Variants in CNTNAP4 observed in about 807,000 individuals in gnomAD.
The protein encoded by CNTNAP4 is contactin associated protein family member 4.
A neutral mutation model predicts 148.4 loss-of-function variants in CNTNAP4; 98 were observed. The observed-to-expected ratio is 0.66, with a 90% CI of 0.56 to 0.78. The LOEUF (loss-of-function observed/expected upper bound fraction) is 0.78. CNTNAP4 is among the 30% of genes least tolerant of loss of function. The pLI, the probability that CNTNAP4 is intolerant of heterozygous loss-of-function variation, is 0.00. For missense variants in CNTNAP4, 1,935 were observed against 1,565.6 expected (o/e 1.24, Z -3.98); for synonymous variants, 730 against 565.1 (o/e 1.29, Z -4.14).
At position 76,321,235 on chromosome 16, in the gene CNTNAP4, G is replaced by C. The variant is rs187010823; in HGVS notation, c.196+4712G>C. Among the ~76,000 whole-genome samples the C allele has an allele frequency of 4.8e-3, 731 of 152,254 alleles. 2 individuals carry two copies. Among genetic ancestry groups the C allele is most frequent in the African/African-American group, 0.016 (657 of 41,530 alleles). On this transcript the variant is annotated intron_variant, in intron 2 of 23. Transcript: ENST00000611870. ...ATCTGTAGAGGAATTAGCTTACTTG[G>C]TTAATTGACAGAGATAACTCCCATT...
intron 15 of CNTNAP4, among the ~76,000 whole-genome samples, chr16:76,504,171 A>T (rs1568433721): frequency 6.6e-6 from 1 of 152,138 alleles, no homozygotes; most frequent in African/African-American, 2.4e-5. Flanking sequence ...ACAAAGTTTG[A>T]GATACACTAC....
At chr16:76,540,529 C>T (rs1298886331) in intron 20 of CNTNAP4, among the ~76,000 whole-genome samples, 174 bp from the exon 21 acceptor site, 1 of 151,472 alleles carries the variant, frequency 6.6e-6, no homozygotes, top group Non-Finnish European at 1.5e-5. Context: ...TATAATAACA[C>T]TTAGAAAAAC....
chr16:76,544,862 G>A (rs185204900), intron 21 of CNTNAP4, among the ~76,000 whole-genome samples: 2 of 152,274 alleles, frequency 1.3e-5, no homozygotes, highest in Admixed American at 1.3e-4. Flanking sequence ...CTGCAGTGGA[G>A]ATTTAGGCCA....
intron 15 of CNTNAP4, among the ~76,000 whole-genome samples, chr16:76,514,198 G>C (rs776952915): frequency 7.9e-5 from 12 of 152,140 alleles, no homozygotes; most frequent in Non-Finnish European, 1.6e-4. Context: ...TTGTCACTCT[G>C]ACCTTCGTAG....
chr16:76,443,705 ATTGAT>A (rs575297379), intron 4 of CNTNAP4, among the ~76,000 whole-genome samples: 62 of 152,370 alleles, frequency 4.1e-4, no homozygotes, highest in Non-Finnish European at 8.4e-4. Context: ...TAAAATAAAT[ATTGAT>A]TTGTACTAAT....
intron 4 of CNTNAP4, among the ~76,000 whole-genome samples, chr16:76,435,194 T>A (rs1436067100): frequency 6.6e-6 from 1 of 152,168 alleles, no homozygotes; most frequent in Non-Finnish European, 1.5e-5. Context: ...GGAAGTTGAC[T>A]GAAGGGCTGT....
chr16:76,285,836 G>C (rs552245151), intron 1 of CNTNAP4, among the ~76,000 whole-genome samples: 117 of 152,004 alleles, frequency 7.7e-4, no homozygotes, highest in African/African-American at 2.1e-3. Context: ...CCTTAGGGTT[G>C]ATAGTTGCTT....
At chr16:76,296,414 G>A (rs1327574745) in intron 1 of CNTNAP4, among the ~76,000 whole-genome samples, 4 of 152,094 alleles carry the variant, frequency 2.6e-5, no homozygotes, top group African/African-American at 9.7e-5. Context: ...CAATGCTTTG[G>A]GAAAGATACA....
chr16:76,355,535 A>G, intron 3 of CNTNAP4, 24 bp downstream of exon 3: 1 of 1,553,568 alleles, frequency 6.4e-7, no homozygotes. Flanking sequence ...CAAAAGACAT[A>G]GTCTCTCGGG....
At chr16:76,532,382 A>G (rs573446283) in intron 17 of CNTNAP4, among the ~76,000 whole-genome samples, 57 of 152,190 alleles carry the variant, frequency 3.7e-4, no homozygotes, top group Non-Finnish European at 6.3e-4. Context: ...GAAATTCTCT[A>G]TGCCCCTAGT....
intron 15 of CNTNAP4, among the ~76,000 whole-genome samples, chr16:76,518,976 C>G (rs1290509292): frequency 6.6e-6 from 1 of 152,190 alleles, no homozygotes; most frequent in African/African-American, 2.4e-5. Context: ...TGCTGCCTGC[C>G]TGCTGAGCTC....
chr16:76,430,844 C>A (rs1414518767), intron 4 of CNTNAP4, among the ~76,000 whole-genome samples: 3 of 152,156 alleles, frequency 2.0e-5, no homozygotes, highest in African/African-American at 7.2e-5. Context: ...CGTGTTAGAT[C>A]TAGGATTTAA....
chr16:76,322,468 C>T (rs1441717501), intron 2 of CNTNAP4, among the ~76,000 whole-genome samples: 1 of 152,180 alleles, frequency 6.6e-6, no homozygotes, highest in African/African-American at 2.4e-5. Flanking sequence ...AGAGCGACTT[C>T]TTTGGTGTTA....
chr16:76,324,493 T>C (rs1471229305), intron 2 of CNTNAP4, among the ~76,000 whole-genome samples: 1 of 152,050 alleles, frequency 6.6e-6, no homozygotes, highest in East Asian at 1.9e-4. Context: ...AAACAGAGCA[T>C]GGGGGAAGCA....
chr16:76,433,372 A>G (rs1225688668), intron 4 of CNTNAP4, among the ~76,000 whole-genome samples: 1 of 152,194 alleles, frequency 6.6e-6, no homozygotes, highest in Non-Finnish European at 1.5e-5. Context: ...TTCAATGCAG[A>G]CAGTTGAAGA....
At chr16:76,375,598 C>A (rs1314561035) in intron 3 of CNTNAP4, among the ~76,000 whole-genome samples, 2 of 152,148 alleles carry the variant, frequency 1.3e-5, no homozygotes, top group Non-Finnish European at 2.9e-5. Flanking sequence ...CCTTGTGAAT[C>A]ATTCTCTTCT....
At chr16:76,314,374 C>G (rs1323917849) in intron 1 of CNTNAP4, among the ~76,000 whole-genome samples, 1 of 152,034 alleles carries the variant, frequency 6.6e-6, no homozygotes, top group African/African-American at 2.4e-5. Flanking sequence ...TTCAGTGACT[C>G]GATAGACAGA....
rs141775762 is a variant in CNTNAP4 at position 76,384,019 on chromosome 16, G to T, written c.390+28508G>T. 7.1e-3 allele frequency among the ~76,000 whole-genome samples: 1,072 copies of T among 151,852 alleles called. 14 individuals are homozygous for T. The highest frequency in any genetic ancestry group is 0.025 in the African/African-American group (1,018 of 41,452). Reference sequence around the variant, plus strand: ...GTTTTTTGTTTTGTTTTTTGTTTTTGTTTGTTTGTTTTGTTTTTTGTTATT... The same window carrying T: ...GTTTTTTGTTTTGTTTTTTGTTTTTTTTTGTTTGTTTTGTTTTTTGTTATT... On this transcript the variant is annotated intron_variant, in intron 3 of 23. Coordinates refer to ENST00000611870, the MANE Select transcript of CNTNAP4 (RefSeq NM_033401.5).
chr16:76,514,933 G>A (rs1047407624), intron 15 of CNTNAP4, among the ~76,000 whole-genome samples: 2 of 152,190 alleles, frequency 1.3e-5, no homozygotes, highest in South Asian at 4.1e-4. Flanking sequence ...CTTCACATCA[G>A]CATTTCAACA....
Sources: allele counts gnomAD v4.1 joint callset (sites outside exome capture counted in the v4.1 genomes callset), GRCh38; gene constraint gnomAD v4.1.1; transcripts MANE v1.5; gene names NCBI Gene and HGNC (gene_info 2026-07-23, HGNC 2026-07-21).